The following HIRA variants were observed in gnomAD, a reference collection of about 807,000 sequenced individuals.
HIRA encodes the protein protein HIRA.
In HIRA, 13 loss-of-function variants were observed where a neutral mutation model predicts 126.6. That is an observed-to-expected ratio of 0.10 (90% CI 0.07 to 0.16). The LOEUF (loss-of-function observed/expected upper bound fraction) is 0.16. HIRA is among the 10% of genes least tolerant of loss of function. HIRA has a pLI of 1.00. For missense variants in HIRA, 834 were observed against 1,314.4 expected (o/e 0.63, Z 5.65); for synonymous variants, 511 against 520.0 (o/e 0.98, Z 0.24).
intron 5 of HIRA, among the ~76,000 whole-genome samples, chr22:19,404,029 A>AT (rs1000252918): frequency 2.0e-5 from 3 of 151,942 alleles, no homozygotes; most frequent in African/African-American, 7.3e-5. Context: ...CTGTTTGATG[A>AT]TTTTTTTCTG....
intron 13 of HIRA, among the ~76,000 whole-genome samples, chr22:19,382,087 T>A (rs1285009515): frequency 6.6e-6 from 1 of 152,260 alleles, no homozygotes; most frequent in South Asian, 2.1e-4. Context: ...TGTATATTTA[T>A]GCTTTTTCTC....
chr22:19,337,490 C>T (rs1334523164), intron 24 of HIRA, among the ~76,000 whole-genome samples: 1 of 151,740 alleles, frequency 6.6e-6, no homozygotes, highest in East Asian at 1.9e-4. Flanking sequence ...ATGAACAAAG[C>T]CTCCAAGAAA....
chr22:19,341,448 CAAAAAAAA>C (rs55996019), intron 24 of HIRA, among the ~76,000 whole-genome samples: 3 of 107,854 alleles, frequency 2.8e-5, no homozygotes, highest in African/African-American at 3.7e-5. Flanking sequence ...GACCCTGTTT[CAAAAAAAA>C]AAAAAAAAAA....
intron 24 of HIRA, among the ~76,000 whole-genome samples, chr22:19,338,180 AAACT>A (rs1329451780): frequency 6.6e-6 from 1 of 152,164 alleles, no homozygotes; most frequent in Admixed American, 6.6e-5. Context: ...TTCCTCAAAC[AAACT>A]AACTGCCAGC....
chr22:19,353,929 T>C (rs1353338703), intron 22 of HIRA, 67 bp downstream of exon 22: 2 of 1,573,142 alleles, frequency 1.3e-6, no homozygotes, highest in Admixed American at 1.8e-5. Flanking sequence ...GGACTGTGCG[T>C]GCACTGACCC....
chr22:19,370,561 G>A (rs2146205424), intron 15 of HIRA, among the ~76,000 whole-genome samples: 1 of 152,300 alleles, frequency 6.6e-6, no homozygotes, highest in Non-Finnish European at 1.5e-5. Flanking sequence ...AGTGATGGGT[G>A]TTTTAAAGGG....
chr22:19,393,892 C>T (rs1448126225), intron 8 of HIRA, among the ~76,000 whole-genome samples: 1 of 152,190 alleles, frequency 6.6e-6, no homozygotes, highest in East Asian at 1.9e-4. Context: ...AGTGGCCAGA[C>T]AACTCTCATG....
intron 4 of HIRA, among the ~76,000 whole-genome samples, 185 bp downstream of exon 4, chr22:19,406,999 C>A (rs184115133): frequency 6.6e-6 from 1 of 152,294 alleles, no homozygotes; most frequent in African/African-American, 2.4e-5. Context: ...TGTGAGGGGG[C>A]AGCTGACCAG....
chr22:19,358,531 G>A (rs1357849477), intron 18 of HIRA, among the ~76,000 whole-genome samples: 1 of 152,194 alleles, frequency 6.6e-6, no homozygotes, highest in Non-Finnish European at 1.5e-5. Flanking sequence ...CTGGGACTGG[G>A]AATTTAAATG....
At chr22:19,376,845 C>T (rs901348703) in intron 14 of HIRA, among the ~76,000 whole-genome samples, 3 of 152,256 alleles carry the variant, frequency 2.0e-5, no homozygotes, top group Non-Finnish European at 4.4e-5. Context: ...CACAAGACTC[C>T]ATTCCACCAA....
At chr22:19,404,391 C>T (rs2089292617) in intron 5 of HIRA, among the ~76,000 whole-genome samples, 1 of 152,168 alleles carries the variant, frequency 6.6e-6, no homozygotes, top group Admixed American at 6.5e-5. Flanking sequence ...CACTTGGGCA[C>T]CCTCATAGAC....
rs1159588415 is a variant in HIRA at position 19,413,950 on chromosome 22, G to T, written c.38-3172C>A. 2.6e-5 allele frequency among the ~76,000 whole-genome samples: 4 copies of T among 152,204 alleles called. No individual in the cohort carries two copies. In the East Asian group the frequency reaches 7.7e-4, roughly 29 times the overall value. On this transcript the variant is annotated intron_variant, in intron 1 of 24. Transcript: ENST00000263208. ...CTCTTCTAAAGGGCTCTCTGAGGTG[G>T]AGCTAAGGAAAGGGACCTTCTGGCT...
intron 1 of HIRA, among the ~76,000 whole-genome samples, chr22:19,416,476 A>ACGCCTGGTGCGCAC (rs2089399760): frequency 6.6e-6 from 1 of 151,712 alleles, no homozygotes; most frequent in South Asian, 2.1e-4. Flanking sequence ...GGGCACAACC[A>ACGCCTGGTGCGCAC]CGCCTGGTGC....
At position 19,403,131 on chromosome 22, in the gene HIRA, G is replaced by T. The variant is rs112601251; in HGVS notation, c.397+2655C>A. ...AAAAAAAAAAAAAGAAAAAGAAAAA[G>T]AAATATCTTCCTATGGGCATTTTAA... On this transcript the variant is annotated intron_variant, in intron 5 of 24. Transcript: ENST00000263208. Among the ~76,000 whole-genome samples, 608 of 148,668 alleles carry T rather than the reference G, an allele frequency of 4.1e-3. 4 individuals carry two copies. Among genetic ancestry groups the T allele is most frequent in the African/African-American group, 0.014 (573 of 40,226 alleles).
intron 24 of HIRA, among the ~76,000 whole-genome samples, chr22:19,343,613 T>A (rs1433403093): frequency 6.6e-6 from 1 of 151,534 alleles, no homozygotes; most frequent in African/African-American, 2.4e-5. Context: ...TATTTTAAAT[T>A]TCATGTATTT....
chr22:19,401,123 T>C (rs1201966692), intron 5 of HIRA, among the ~76,000 whole-genome samples: 1 of 152,092 alleles, frequency 6.6e-6, no homozygotes, highest in Non-Finnish European at 1.5e-5. Context: ...TTTTGAGTAC[T>C]CTCCAATGAC....
At chr22:19,379,697 T>C (rs1398241943) in intron 13 of HIRA, among the ~76,000 whole-genome samples, 2 of 151,542 alleles carry the variant, frequency 1.3e-5, no homozygotes. Flanking sequence ...TCATATGCTT[T>C]GTCTACTGTT....
At position 19,383,675 on chromosome 22, in the gene HIRA, T is replaced by C; in HGVS notation, c.1360A>G (p.Thr454Ala). 1 of 1,614,194 alleles carries C rather than the reference T, an allele frequency of 6.2e-7. No individual in the cohort carries two copies. Among genetic ancestry groups the C allele is most frequent in the Non-Finnish European group, 8.5e-7 (1 of 1,180,004 alleles). ...GTGATTCTTCTCCGGCCATCTGCTG[T>C]CCGAGTCTCAACTTGTTTCTTCAAA... ...NLLKKQVETR[T>A]ADGRRRITPL... Residue 454 changes from threonine (T) to alanine (A), a missense_variant, in exon 13 of 25, where the codon ACA (threonine) becomes GCA (alanine). Physicochemically the swap from Thr to Ala is moderately conservative, Grantham distance 58. Transcript: ENST00000263208.
intron 15 of HIRA, among the ~76,000 whole-genome samples, chr22:19,372,566 TTTTAA>T (rs1272686247): frequency 1.3e-5 from 2 of 149,192 alleles, no homozygotes; most frequent in Non-Finnish European, 2.9e-5. Context: ...GCAAAAAAGC[TTTTAA>T]TTTTTTTTTT....
Sources: allele counts gnomAD v4.1 joint callset (sites outside exome capture counted in the v4.1 genomes callset), GRCh38; gene constraint gnomAD v4.1.1; transcripts MANE v1.5; gene names NCBI Gene and HGNC (gene_info 2026-07-23, HGNC 2026-07-21).